SIM1: variants seen among roughly 807,000 people sequenced by gnomAD.
SIM1 encodes SIM bHLH transcription factor 1.
SIM1 carries 18 observed loss-of-function variants against 78.2 expected under a neutral mutation model. That is an observed-to-expected ratio of 0.23 (90% CI 0.16 to 0.34). The LOEUF (loss-of-function observed/expected upper bound fraction) is 0.34, where lower values mean the gene tolerates loss of function less well. Among genes scored for constraint, SIM1 ranks in the 10% least tolerant of loss-of-function variants. The pLI is 1.00. For synonymous variants in SIM1, 417 were observed against 385.2 expected (o/e 1.08, Z -0.97); for missense variants, 939 against 975.1 (o/e 0.96, Z 0.49).
chr6:100,422,037 T>C (rs1454639979), intron 9 of SIM1, among the ~76,000 whole-genome samples: 2 of 152,196 alleles, frequency 1.3e-5, no homozygotes. Context: ...TTATAATCAC[T>C]TCTAGCAAGT....
chr6:100,409,753 ATTTTT>A (rs1771145797), intron 10 of SIM1, among the ~76,000 whole-genome samples: 1 of 152,016 alleles, frequency 6.6e-6, no homozygotes, highest in Admixed American at 6.6e-5. Flanking sequence ...ATCTCAAGAT[ATTTTT>A]TATTTCTTTT....
chr6:100,427,780 A>G (rs1421399745), intron 9 of SIM1, among the ~76,000 whole-genome samples: 1 of 152,144 alleles, frequency 6.6e-6, no homozygotes, highest in Non-Finnish European at 1.5e-5. Context: ...CTGAGTTCCT[A>G]TACCATTCAC....
chr6:100,401,802 C>G (rs1465396600), intron 10 of SIM1, among the ~76,000 whole-genome samples: 6 of 152,074 alleles, frequency 3.9e-5, no homozygotes, highest in Non-Finnish European at 8.8e-5. Flanking sequence ...CTTTTTTAAA[C>G]AACATTTTTC....
At chr6:100,417,881 A>T (rs574847673) in intron 10 of SIM1, among the ~76,000 whole-genome samples, 1 of 152,374 alleles carries the variant, frequency 6.6e-6, no homozygotes, top group South Asian at 2.1e-4. Flanking sequence ...AACTAGGTGC[A>T]TAAATGTTAA....
At chr6:100,433,976 A>G (rs1771974344) in intron 9 of SIM1, among the ~76,000 whole-genome samples, 1 of 152,142 alleles carries the variant, frequency 6.6e-6, no homozygotes, top group Non-Finnish European at 1.5e-5. Context: ...CGTTACCTTA[A>G]TTACAACAAC....
intron 2 of SIM1, among the ~76,000 whole-genome samples, chr6:100,458,799 G>C (rs1246474086): frequency 6.6e-6 from 1 of 152,248 alleles, no homozygotes; most frequent in Non-Finnish European, 1.5e-5. Flanking sequence ...CTATTCGGTG[G>C]GGCTACCAGC....
chr6:100,412,719 G>GAAAC lies in SIM1; in HGVS notation c.1167+8070_1167+8071insGTTT, dbSNP rs1380594658. 2.3e-5 allele frequency among the ~76,000 whole-genome samples: 3 copies of GAAAC among 130,550 alleles called. 1 individual carries two copies. The highest frequency in any genetic ancestry group is 9.1e-5 in the African/African-American group (3 of 33,004). 85.6% of individuals were successfully genotyped at this position (130,550 alleles called of 152,430 possible). Reference sequence around the variant, plus strand: ...AGAAAGAAAGAAAGAAAGAAAGAAAGAAAGAAAGAAAGAAAGAAAGAAAGA... The same window carrying GAAAC: ...AGAAAGAAAGAAAGAAAGAAAGAAAGAAACAAAGAAAGAAAGAAAGAAAGAAAGA... On this transcript the variant is annotated intron_variant, in intron 10 of 11. Coordinates refer to ENST00000369208, the MANE Select transcript of SIM1 (RefSeq NM_005068.3).
At chr6:100,427,395 A>C (rs963880138) in intron 9 of SIM1, 2 of 152,226 alleles carry the variant, frequency 1.3e-5, no homozygotes, top group Non-Finnish European at 2.9e-5. Context: ...TTACATAAAC[A>C]TACATTGCCT....
intron 2 of SIM1, among the ~76,000 whole-genome samples, chr6:100,454,181 C>T (rs1277537466): frequency 1.3e-5 from 2 of 152,176 alleles, no homozygotes; most frequent in South Asian, 4.2e-4. Flanking sequence ...GTTTACGGGG[C>T]GTAAGGGCAC....
At chr6:100,460,708 C>G (rs938305373) in intron 2 of SIM1, among the ~76,000 whole-genome samples, 3 of 152,184 alleles carry the variant, frequency 2.0e-5, no homozygotes. Flanking sequence ...CTTGTTTGCT[C>G]TCTGCCTTCA....
intron 10 of SIM1, among the ~76,000 whole-genome samples, chr6:100,399,781 G>A (rs1238161879): frequency 1.3e-5 from 2 of 151,960 alleles, no homozygotes; most frequent in African/African-American, 2.4e-5. Context: ...ATCCATAAAT[G>A]TGAATTGGCT....
In SIM1 at chr6:100,393,812, G is replaced by A. The variant is rs775200994; in HGVS notation, c.1245C>T (p.Ala415=). Residue 415 remains alanine (A), a synonymous_variant, in exon 11 of 12, where the codon GCC becomes GCT. Transcript: ENST00000369208. ...CGGCGGGGTCCAGAAGCTGCGGAGA[G>A]GCCGTGTCGGTCAAGGGACTTCCGC... ...QWGGSPLTDT[A]SPQLLDPADR... The A allele has an allele frequency of 6.2e-7, 1 of 1,613,042 alleles. No homozygotes were observed. Among genetic ancestry groups the A allele is most frequent in the Non-Finnish European group, 8.5e-7 (1 of 1,179,362 alleles).
At chr6:100,447,731 C>T (rs1317579200) in intron 8 of SIM1, among the ~76,000 whole-genome samples, 23 of 152,222 alleles carry the variant, frequency 1.5e-4, no homozygotes, top group Admixed American at 1.5e-3. Flanking sequence ...AGGCTCTGGG[C>T]AGCTGAGCTC....
intron 9 of SIM1, among the ~76,000 whole-genome samples, chr6:100,429,194 C>A (rs2114515597): frequency 6.6e-6 from 1 of 152,196 alleles, no homozygotes. Flanking sequence ...CATGGTGAAA[C>A]CCCATCTCCA....
intron 10 of SIM1, among the ~76,000 whole-genome samples, chr6:100,405,734 C>T (rs1320956747): frequency 6.6e-6 from 1 of 151,966 alleles, no homozygotes; most frequent in African/African-American, 2.4e-5. Context: ...TCCACCCCAC[C>T]CCCCAAAAAA....
At chr6:100,445,544 G>T (rs1367042188) in intron 9 of SIM1, among the ~76,000 whole-genome samples, 2 of 152,150 alleles carry the variant, frequency 1.3e-5, no homozygotes, top group Admixed American at 6.5e-5. Context: ...ATCAACAGAA[G>T]AAGAAATGTA....
chr6:100,449,049 T>C (rs1049702352), intron 6 of SIM1, among the ~76,000 whole-genome samples: 1 of 152,276 alleles, frequency 6.6e-6, no homozygotes, highest in Admixed American at 6.5e-5. Flanking sequence ...CATAAACTCT[T>C]AGGGATTCAC....
At chr6:100,412,611 GGAAAGAAAGAAGGAAAGAAAGAAAGAAA>G (rs1562239659) in intron 10 of SIM1, among the ~76,000 whole-genome samples, 7 of 67,654 alleles carry the variant, frequency 1.0e-4, no homozygotes, top group Admixed American at 1.7e-4. Context: ...AAGAAAGAAA[GGAAAGAAAGAAGGAAAGAAAGAAAGAAA>G]AGAAAGAAAG....
intron 3 of SIM1, among the ~76,000 whole-genome samples, chr6:100,452,688 T>A (rs776123115): frequency 6.6e-6 from 1 of 152,012 alleles, no homozygotes; most frequent in Non-Finnish European, 1.5e-5. Flanking sequence ...CTGAGGAAAA[T>A]TAGTTGGGAA....
Sources: allele counts gnomAD v4.1 joint callset (sites outside exome capture counted in the v4.1 genomes callset), GRCh38; gene constraint gnomAD v4.1.1; transcripts MANE v1.5; gene names NCBI Gene and HGNC (gene_info 2026-07-23, HGNC 2026-07-21).